AUTS2: variants seen among roughly 807,000 people sequenced by gnomAD.
AUTS2 encodes the protein autism susceptibility gene 2 protein.
Under a neutral mutation model 112.4 loss-of-function variants are expected in AUTS2, and 17 were observed. That is an observed-to-expected ratio of 0.15 (90% CI 0.10 to 0.23). AUTS2 has a LOEUF of 0.23. Among genes scored for constraint, AUTS2 ranks in the 10% least tolerant of loss-of-function variants. The probability of loss-of-function intolerance (pLI) is 1.00; values close to 1 mark genes in which losing one functional copy is unlikely to be tolerated. For synonymous variants in AUTS2, 751 were observed against 702.7 expected, an observed-to-expected ratio of 1.07 and a Z score of -1.09; for missense variants, 1,510 against 1,701.6, an observed-to-expected ratio of 0.89 and a Z score of 1.98.
chr7:70,408,124 TGAATTGTAATC>T (rs1244187198), intron 4 of AUTS2, among the ~76,000 whole-genome samples: 2 of 145,784 alleles, frequency 1.4e-5, no homozygotes, highest in African/African-American at 5.1e-5. Context: ...GAGGCTACAG[TGAATTGTAATC>T]GCACCACTGC....
intron 2 of AUTS2, among the ~76,000 whole-genome samples, chr7:70,096,643 T>C (rs1415333498): frequency 1.3e-5 from 2 of 150,754 alleles, no homozygotes; most frequent in Non-Finnish European, 3.0e-5. Flanking sequence ...GAAAATACTG[T>C]GTAAAGGACT....
At chr7:69,799,820 GTT>G (rs916026561) in intron 1 of AUTS2, among the ~76,000 whole-genome samples, 3 of 152,098 alleles carry the variant, frequency 2.0e-5, no homozygotes, top group Non-Finnish European at 4.4e-5. Flanking sequence ...GAGGGGCTGT[GTT>G]TTTATTTCTG....
chr7:69,662,867 A>C (rs1282302499), intron 1 of AUTS2, among the ~76,000 whole-genome samples: 1 of 152,198 alleles, frequency 6.6e-6, no homozygotes, highest in Non-Finnish European at 1.5e-5. Flanking sequence ...CATCTTATGG[A>C]ATTACACAAT....
intron 2 of AUTS2, among the ~76,000 whole-genome samples, chr7:70,010,868 C>T (rs1428352812): frequency 1.3e-5 from 2 of 152,074 alleles, no homozygotes; most frequent in Non-Finnish European, 2.9e-5. Context: ...TCTGTGGATT[C>T]TGGATATTAG....
intron 4 of AUTS2, among the ~76,000 whole-genome samples, chr7:70,235,814 G>T (rs955624032): frequency 6.6e-6 from 1 of 151,890 alleles, no homozygotes; most frequent in African/African-American, 2.4e-5. Context: ...ACCATGCCGG[G>T]CTAATTTTTT....
chr7:70,492,704 A>T (rs956415993), intron 5 of AUTS2, among the ~76,000 whole-genome samples: 1 of 152,148 alleles, frequency 6.6e-6, no homozygotes, highest in Non-Finnish European at 1.5e-5. Context: ...ATGTATAGAG[A>T]GTCACTGTGA....
chr7:70,013,183 TTTGA>T (rs1799882438), intron 2 of AUTS2, among the ~76,000 whole-genome samples: 1 of 152,216 alleles, frequency 6.6e-6, no homozygotes, highest in African/African-American at 2.4e-5. Context: ...ATGAATACTA[TTTGA>T]TTGTTAATGT....
intron 2 of AUTS2, among the ~76,000 whole-genome samples, chr7:70,108,683 C>T (rs1024456973): frequency 2.0e-5 from 3 of 150,098 alleles, no homozygotes; most frequent in Admixed American, 6.7e-5. Context: ...TAATTCCAGG[C>T]CGGGAGCTGT....
intron 5 of AUTS2, among the ~76,000 whole-genome samples, chr7:70,480,503 G>A (rs541375720): frequency 1.8e-4 from 27 of 152,300 alleles, no homozygotes; most frequent in African/African-American, 5.8e-4. Flanking sequence ...GACATTTTGA[G>A]CAAAGGACTG....
chr7:69,935,932 TA>T (rs1179281194), intron 2 of AUTS2, among the ~76,000 whole-genome samples: 2 of 152,280 alleles, frequency 1.3e-5, no homozygotes, highest in African/African-American at 4.8e-5. Flanking sequence ...TGTTACCTGC[TA>T]AAAAAGGCAT....
chr7:69,903,282 C>T (rs1425806963), intron 2 of AUTS2, among the ~76,000 whole-genome samples: 1 of 152,218 alleles, frequency 6.6e-6, no homozygotes, highest in South Asian at 2.1e-4. Context: ...CAAATTATAA[C>T]TTCCTGAGAA....
chr7:70,157,568 CCTTGGCCTCCCAA>C (rs1278619798), intron 4 of AUTS2, among the ~76,000 whole-genome samples: 2 of 152,322 alleles, frequency 1.3e-5, no homozygotes, highest in Non-Finnish European at 2.9e-5. Flanking sequence ...AATCCTCCCA[CCTTGGCCTCCCAA>C]AGTGCTAGGA....
rs190110086 is a variant in AUTS2 at position 70,006,335 on chromosome 7, G to T, written c.522+106837G>T. Among the ~76,000 whole-genome samples, 325 of 152,230 alleles carry T rather than the reference G, an allele frequency of 2.1e-3. 1 individual carries two copies. Among genetic ancestry groups the T allele is most frequent in the Middle Eastern group, 3.4e-3 (1 of 294 alleles). The stretch of plus-strand genomic sequence containing the variant: ...TGAGAGAAACGAGGAGGGGGGAGAA[G>T]CCTGTATTTGATAGTTTTGTATGTT... On this transcript the variant is annotated intron_variant, in intron 2 of 18. Coordinates refer to ENST00000342771, the MANE Select transcript of AUTS2 (RefSeq NM_015570.4).
intron 1 of AUTS2, among the ~76,000 whole-genome samples, chr7:69,814,770 G>A (rs578053799): frequency 6.6e-6 from 1 of 152,374 alleles, no homozygotes; most frequent in African/African-American, 2.4e-5. Flanking sequence ...GAGCGTGCAC[G>A]CTGGAGATGT....
intron 4 of AUTS2, among the ~76,000 whole-genome samples, chr7:70,300,582 A>G (rs927543395): frequency 5.9e-5 from 9 of 152,110 alleles, no homozygotes; most frequent in African/African-American, 1.7e-4. Flanking sequence ...TTACTAGTAC[A>G]TGTTTGTAGA....
At chr7:69,727,628 T>C (rs1386957807) in intron 1 of AUTS2, among the ~76,000 whole-genome samples, 1 of 152,018 alleles carries the variant, frequency 6.6e-6, no homozygotes. Context: ...CAGTTGCTTG[T>C]TTATGTCTAT....
At chr7:70,171,268 G>C (rs1478856706) in intron 4 of AUTS2, among the ~76,000 whole-genome samples, 1 of 152,172 alleles carries the variant, frequency 6.6e-6, no homozygotes, top group Non-Finnish European at 1.5e-5. Flanking sequence ...TTCAGGCAAG[G>C]GGAACAAGGA....
intron 4 of AUTS2, among the ~76,000 whole-genome samples, chr7:70,331,790 C>G (rs1790763860): frequency 6.6e-6 from 1 of 152,150 alleles, no homozygotes; most frequent in Non-Finnish European, 1.5e-5. Context: ...TGAAAACTCT[C>G]AATAAACTAG....
chr7:69,817,807 C>A (rs2129526023), intron 1 of AUTS2, among the ~76,000 whole-genome samples: 1 of 152,278 alleles, frequency 6.6e-6, no homozygotes, highest in Admixed American at 6.5e-5. Context: ...TGCATGAGAA[C>A]CTGCCTCTGG....
Sources: gnomAD v4.1 joint callset for allele counts (sites outside exome capture counted in the v4.1 genomes callset) on GRCh38, gnomAD v4.1.1 for gene constraint, MANE v1.5 for transcripts, NCBI Gene and HGNC (gene_info 2026-07-23, HGNC 2026-07-21) for gene names.